The following BCL11B variants were observed in gnomAD, a reference collection of about 807,000 sequenced individuals.
BCL11B encodes the protein B-cell lymphoma/leukemia 11B.
In BCL11B, 8 loss-of-function variants were observed where a neutral mutation model predicts 49.9. That is an observed-to-expected ratio of 0.16 (90% CI 0.09 to 0.29). The LOEUF (loss-of-function observed/expected upper bound fraction) is 0.29, where lower values mean the gene tolerates loss of function less well. Ranked by LOEUF, BCL11B falls within the 10% of genes least tolerant of loss-of-function variation. The pLI, the probability that BCL11B is intolerant of heterozygous loss-of-function variation, is 1.00. For synonymous variants in BCL11B, 739 were observed against 637.4 expected (o/e 1.16, Z -2.40); for missense variants, 1,006 against 1,351.0 (o/e 0.74, Z 4.00).
In BCL11B at chr14:99,271,291, CGCCGCCGCGCCGCTGCCGCCGCT is replaced by C; in HGVS notation, c.-96_-74del. The C allele has an allele frequency of 5.8e-6, 6 of 1,029,700 alleles. No homozygotes were observed. Among genetic ancestry groups the C allele is most frequent in the Admixed American group, 9.5e-5 (2 of 21,158 alleles). The allele number at this position is 1,029,700 out of a possible 1,614,324, so 63.8% of individuals were successfully genotyped here. The stretch of plus-strand genomic sequence containing the variant: ...GGGAGCCGGGGGAGGGGGTCCGAGC[CGCCGCCGCGCCGCTGCCGCCGCT>C]GCCGCCGCCGCCGCCGCCGCCGCAC... On this transcript the variant is annotated 5_prime_UTR_variant, in exon 1 of 4. Coordinates refer to ENST00000357195, the MANE Select transcript of BCL11B (RefSeq NM_138576.4).
intron 3 of BCL11B, among the ~76,000 whole-genome samples, chr14:99,214,671 A>AAAT (rs1555380142): frequency 1.3e-5 from 2 of 151,660 alleles, no homozygotes; most frequent in Non-Finnish European, 3.0e-5. Flanking sequence ...AAATATTAAA[A>AAAT]AAATAAATAA....
In BCL11B at chr14:99,172,296, G is replaced by A; in HGVS notation, c.*1855C>T. 4.4e-6 allele frequency: 1 copy of A among 226,546 alleles called. No homozygotes were observed. Among genetic ancestry groups the A allele is most frequent in the African/African-American group, 2.2e-5 (1 of 45,058 alleles). 14.0% of individuals were successfully genotyped at this position (226,546 alleles called of 1,614,324 possible). ...AGCAGCGTTGTCCCAAAAACAAAAG[G>A]GGCTGAGGATAATTCAGCTAATGGA... On this transcript the variant is annotated 3_prime_UTR_variant, in exon 4 of 4. Coordinates refer to ENST00000357195, the MANE Select transcript of BCL11B (RefSeq NM_138576.4).
chr14:99,183,186 C>G (rs970255831), intron 3 of BCL11B, among the ~76,000 whole-genome samples: 1 of 152,096 alleles, frequency 6.6e-6, no homozygotes, highest in Non-Finnish European at 1.5e-5. Context: ...GGGTTCAGAA[C>G]CCACATGATG....
intron 3 of BCL11B, among the ~76,000 whole-genome samples, chr14:99,229,753 C>T (rs1003062524): frequency 6.6e-6 from 1 of 152,138 alleles, no homozygotes; most frequent in Non-Finnish European, 1.5e-5. Flanking sequence ...GTAATAAACA[C>T]TCAGGCTGAT....
intron 3 of BCL11B, among the ~76,000 whole-genome samples, chr14:99,221,706 A>C (rs1888013907): frequency 6.6e-6 from 1 of 152,286 alleles, no homozygotes; most frequent in African/African-American, 2.4e-5. Flanking sequence ...GCAATTTCGC[A>C]TCTGCGAAAA....
chr14:99,200,575 T>G (rs1004107735), intron 3 of BCL11B, among the ~76,000 whole-genome samples: 1 of 152,212 alleles, frequency 6.6e-6, no homozygotes, highest in Non-Finnish European at 1.5e-5. Context: ...GGCCCAGGGA[T>G]GCCACTTTGC....
intron 3 of BCL11B, among the ~76,000 whole-genome samples, chr14:99,217,026 CTACACATA>C (rs1887859405): frequency 6.6e-6 from 1 of 152,142 alleles, no homozygotes. Context: ...GCTCTCACAT[CTACACATA>C]TACACATGCA....
intron 3 of BCL11B, among the ~76,000 whole-genome samples, chr14:99,187,136 C>A (rs1224572515): frequency 6.6e-6 from 1 of 152,164 alleles, no homozygotes; most frequent in Non-Finnish European, 1.5e-5. Context: ...TTGGTTAGCC[C>A]AGGTGTGCAG....
chr14:99,177,449 G>A (rs1285291998), intron 3 of BCL11B, among the ~76,000 whole-genome samples: 1 of 151,352 alleles, frequency 6.6e-6, no homozygotes, highest in Non-Finnish European at 1.5e-5. Context: ...CTGCACCTGG[G>A]GGTGAAGCTC....
intron 2 of BCL11B, among the ~76,000 whole-genome samples, chr14:99,246,716 G>A (rs1009230846): frequency 5.4e-4 from 8 of 14,920 alleles, no homozygotes; most frequent in African/African-American, 1.3e-3. Context: ...CTTGGAGGGA[G>A]GGGCCTGAAG....
chr14:99,204,568 T>A (rs373301460), intron 3 of BCL11B, among the ~76,000 whole-genome samples: 1 of 152,090 alleles, frequency 6.6e-6, no homozygotes, highest in East Asian at 1.9e-4. Flanking sequence ...CCACCCCACA[T>A]TGCTCCACCA....
At chr14:99,198,841 A>T (rs1455242369) in intron 3 of BCL11B, among the ~76,000 whole-genome samples, 2 of 152,106 alleles carry the variant, frequency 1.3e-5, no homozygotes, top group Admixed American at 1.3e-4. Flanking sequence ...TGGTTTTAGA[A>T]AACTCTTCGG....
At position 99,205,982 on chromosome 14, in the gene BCL11B, T is replaced by A. The variant is rs1887523453; in HGVS notation, c.640+25363A>T. Among the ~76,000 whole-genome samples the A allele has an allele frequency of 6.6e-6, 1 of 152,058 alleles. No homozygotes were observed. Among genetic ancestry groups the A allele is most frequent in the Non-Finnish European group, 1.5e-5 (1 of 67,992 alleles). ...GGAAGGGAGCCTGAAGTACCCCCGA[T>A]ACCCTCAACAGAGGACCGAGGCTTT... On this transcript the variant is annotated intron_variant, in intron 3 of 3. Coordinates refer to ENST00000357195, the MANE Select transcript of BCL11B (RefSeq NM_138576.4). The surrounding 1 kb of genome is among the most constrained non-coding windows in gnomAD (Gnocchi z 5.0).
rs1886462351 is a variant in BCL11B, at chr14:99,175,267, G to A, written c.1569C>T (p.Asp523=). ...CCTCCGGCTCGTGGCCCAGCGACGG[G>A]TCGCTCTCGTGGTGGCGGAAGTCAC... ...ADGDFRHHES[D]PSLGHEPEEE... Residue 523 remains aspartate (D), a synonymous_variant, in exon 4 of 4, where the codon GAC becomes GAT. Transcript: ENST00000357195. 6.5e-7 allele frequency: 1 copy of A among 1,541,610 alleles called. No homozygotes were observed. Among genetic ancestry groups the A allele is most frequent in the African/African-American group, 1.4e-5 (1 of 73,238 alleles).
chr14:99,230,779 C>G (rs1595267407), intron 3 of BCL11B, among the ~76,000 whole-genome samples: 1 of 152,156 alleles, frequency 6.6e-6, no homozygotes, highest in South Asian at 2.1e-4. Flanking sequence ...GCCCCCGCCC[C>G]CACCCCTCAC....
intron 3 of BCL11B, among the ~76,000 whole-genome samples, chr14:99,207,614 G>C (rs912582505): frequency 6.6e-6 from 1 of 152,222 alleles, no homozygotes; most frequent in Non-Finnish European, 1.5e-5. Context: ...TGCCCTGGAG[G>C]CCTTCACATT....
At chr14:99,202,870 G>T (rs1375667717) in intron 3 of BCL11B, among the ~76,000 whole-genome samples, 1 of 152,220 alleles carries the variant, frequency 6.6e-6, no homozygotes, top group African/African-American at 2.4e-5. Context: ...CTGGGTTCTG[G>T]TCTCTGGTCA....
chr14:99,174,914 C>G lies in BCL11B; in HGVS notation c.1922G>C (p.Gly641Ala). The part of the protein sequence containing the change: ...GDAGDDDDAG[G>A]CGDAGAGGAV... ...GCCGCCCGCGCCCGCGTCCCCGCAG[C>G]CGCCCGCGTCGTCGTCGTCGCCCGC... Residue 641 changes from glycine (G) to alanine (A), a missense_variant, in exon 4 of 4, where the codon GGC becomes GCC. Around this residue, in one of 6 missense-constraint regions of BCL11B, gnomAD observed 443 missense variants for 499.7 expected, o/e 0.89. Coordinates refer to ENST00000357195, the MANE Select transcript of BCL11B (RefSeq NM_138576.4). 8.7e-7 allele frequency: 1 copy of G among 1,154,444 alleles called. No homozygotes were observed. The highest frequency in any genetic ancestry group is 1.1e-6 in the Non-Finnish European group (1 of 933,184). The allele number at this position is 1,154,444 out of a possible 1,614,324, so 71.5% of individuals were successfully genotyped here.
At chr14:99,176,307 C>T in intron 3 of BCL11B, 112 bp from the exon 4 acceptor site, 1 of 1,029,666 alleles carries the variant, frequency 9.7e-7, no homozygotes, top group South Asian at 1.7e-5. Context: ...TCCGGGATCC[C>T]AGTGCCCTGC....
Sources: allele counts gnomAD v4.1 joint callset (sites outside exome capture counted in the v4.1 genomes callset), GRCh38; gene constraint gnomAD v4.1.1; regional missense constraint gnomAD v4.1.1; non-coding constraint Gnocchi (gnomAD v3.1); transcripts MANE v1.5; gene names NCBI Gene and HGNC (gene_info 2026-07-23, HGNC 2026-07-21).